The following FAM234A variants were observed in gnomAD, a reference collection of about 807,000 sequenced individuals.
FAM234A encodes protein FAM234A.
In FAM234A, 42 loss-of-function variants were observed where a neutral mutation model predicts 49.1. That is an observed-to-expected ratio of 0.86 (90% confidence interval 0.67 to 1.11). FAM234A has a LOEUF of 1.11. FAM234A is among the 50% of genes least tolerant of loss of function. The pLI is 0.00. For synonymous variants in FAM234A, 369 were observed against 316.2 expected (o/e 1.17, Z -1.77); for missense variants, 815 against 745.2 (o/e 1.09, Z -1.09).
At chr16:254,253 C>G (rs2051136794) in intron 2 of FAM234A, 128 bp from the exon 3 acceptor site, 1 of 716,856 alleles carries the variant, frequency 1.4e-6, no homozygotes, top group African/African-American at 1.8e-5. Flanking sequence ...CTTTTATTTC[C>G]TGGGCTGGTG....
At position 263,714 on chromosome 16, in the gene FAM234A, G is replaced by A. The variant is rs2051576805; in HGVS notation, c.1127G>A (p.Gly376Asp). 1 of 1,613,910 alleles carries A rather than the reference G, an allele frequency of 6.2e-7. No homozygotes were observed. The highest frequency in any genetic ancestry group is 8.5e-7 in the Non-Finnish European group (1 of 1,179,854). Residue 376 changes from glycine to aspartate, a missense_variant, in exon 10 of 13, where the codon GGC becomes GAC. By Grantham distance (94) the Gly-to-Asp change is moderately conservative. Coordinates refer to ENST00000399932, the MANE Select transcript of FAM234A (RefSeq NM_032039.4). ...AAHVLRKPIF[G>D]RYKPDTLAVA... is the part of the protein sequence containing the mutation. ...TATTGTTCCAGAAAACCCATCTTCG[G>A]CCGCTACAAACCAGACACCTTGGCT...
intron 3 of FAM234A, among the ~76,000 whole-genome samples, chr16:255,541 T>A (rs529321872): frequency 6.0e-4 from 91 of 152,224 alleles, no homozygotes; most frequent in African/African-American, 2.2e-3. Context: ...GCCACTGCAC[T>A]CCAGCCTGGG....
At chr16:250,682 C>T (rs573614598) in intron 2 of FAM234A, among the ~76,000 whole-genome samples, 198 of 152,190 alleles carry the variant, frequency 1.3e-3, no homozygotes, top group African/African-American at 4.6e-3. Context: ...TTTTCATCAT[C>T]CCACAAAGAA....
chr16:244,854 A>ATTTTTTTTT (rs1203898846), intron 1 of FAM234A, among the ~76,000 whole-genome samples: 2 of 147,384 alleles, frequency 1.4e-5, no homozygotes, highest in Non-Finnish European at 3.0e-5. Context: ...CGCCCGGCTA[A>ATTTTTTTTT]TTTTTTTTTG....
intron 1 of FAM234A, among the ~76,000 whole-genome samples, chr16:241,339 C>T (rs544222370): frequency 3.5e-4 from 53 of 151,516 alleles, no homozygotes; most frequent in Non-Finnish European, 6.8e-4. Context: ...TCTAGCACTT[C>T]GGGAGGCAGA....
chr16:237,372 C>T (rs1164123878), intron 1 of FAM234A, among the ~76,000 whole-genome samples: 1 of 152,020 alleles, frequency 6.6e-6, no homozygotes, highest in South Asian at 2.1e-4. Context: ...ATTATGACTT[C>T]GGGTCTCATG....
At chr16:259,140 T>C (rs2141324389) in intron 3 of FAM234A, among the ~76,000 whole-genome samples, 1 of 152,272 alleles carries the variant, frequency 6.6e-6, no homozygotes, top group South Asian at 2.1e-4. Context: ...AGTCCTTGAA[T>C]GAAAGGAAGT....
intron 2 of FAM234A, among the ~76,000 whole-genome samples, chr16:251,419 G>GA (rs1434340152): frequency 9.2e-5 from 14 of 152,048 alleles, no homozygotes; most frequent in Middle Eastern, 6.8e-3. Context: ...CTGTCACCCA[G>GA]GTGGCAGTGC....
intron 1 of FAM234A, chr16:248,208 A>C (rs902844070): frequency 4.6e-5 from 7 of 151,978 alleles, no homozygotes; most frequent in Non-Finnish European, 7.4e-5. Context: ...GCATTTAGAG[A>C]GTTTTTTCCC....
chr16:262,858 C>T (rs1406395941), intron 8 of FAM234A, among the ~76,000 whole-genome samples: 1 of 142,366 alleles, frequency 7.0e-6, no homozygotes, highest in Non-Finnish European at 1.5e-5. Context: ...CTTGCCCTGT[C>T]CCCCAGGCTG....
intron 1 of FAM234A, among the ~76,000 whole-genome samples, chr16:249,276 G>C (rs553418964): frequency 6.6e-6 from 1 of 151,898 alleles, no homozygotes; most frequent in Non-Finnish European, 1.5e-5. Context: ...GGGATGAACC[G>C]AACAAGGGCA....
intron 1 of FAM234A, among the ~76,000 whole-genome samples, chr16:244,822 G>T (rs1228278023): frequency 2.0e-5 from 3 of 151,074 alleles, no homozygotes; most frequent in Admixed American, 2.0e-4. Context: ...CGAGTAGCTG[G>T]GATTACAGGC....
intron 2 of FAM234A, among the ~76,000 whole-genome samples, chr16:251,679 GTTTTTTTTTTTT>G (rs1172222528): frequency 0.012 from 1,100 of 91,158 alleles, 34 homozygotes; most frequent in African/African-American, 0.055. Context: ...GCCTAGCCAG[GTTTTTTTTTTTT>G]TTTTTTTTTT....
Position 262,626 on chromosome 16 carries a change from G to A in FAM234A, c.971+73G>A, listed in dbSNP as rs957165250. The A allele has an allele frequency of 5.0e-5, 73 of 1,460,308 alleles. 1 individual carries two copies. In the South Asian group the frequency reaches 8.0e-4, roughly 16 times the overall value. The allele number at this position is 1,460,308 out of a possible 1,614,324, so 90.5% of individuals were successfully genotyped here. A position where few individuals can be genotyped will look rare whatever the true frequency, so the allele number is the denominator to read the frequency against. ...GCTCTGCTCGCCTGCCTCAGCGTTC[G>A]GACAATCTGTGTGGAGCCCAGAGCA... On this transcript the variant is annotated intron_variant, in intron 8 of 12. Transcript: ENST00000399932.
downstream of FAM234A, chr16:268,772 C>T: frequency 1.9e-6 from 3 of 1,549,698 alleles, no homozygotes; most frequent in Non-Finnish European, 2.6e-6. Flanking sequence ...GGGTCCTCTT[C>T]CAGGCTCACA....
intron 4 of FAM234A, 125 bp downstream of exon 4, chr16:259,724 C>T (rs961989115): frequency 2.6e-5 from 20 of 756,368 alleles, no homozygotes; most frequent in Non-Finnish European, 4.1e-5. Flanking sequence ...CCCATCTCGT[C>T]ATCCTTCCTG....
intron 1 of FAM234A, among the ~76,000 whole-genome samples, chr16:236,105 A>G (rs1207187591): frequency 2.6e-5 from 4 of 151,862 alleles, no homozygotes; most frequent in Admixed American, 1.3e-4. Flanking sequence ...GGTGCCCGCC[A>G]CCACACCCAG....
At chr16:244,232 T>G (rs927842058) in intron 1 of FAM234A, among the ~76,000 whole-genome samples, 8 of 152,172 alleles carry the variant, frequency 5.3e-5, no homozygotes, top group East Asian at 1.9e-4. Context: ...CCTCCCAAAG[T>G]GCTGGGATTA....
downstream of FAM234A, chr16:269,031 C>A (rs1013797592): frequency 5.2e-5 from 66 of 1,272,036 alleles, no homozygotes; most frequent in Non-Finnish European, 7.3e-5. Context: ...CTGACCCAAG[C>A]TGAGCCAATG....
Sources: allele counts gnomAD v4.1 joint callset (sites outside exome capture counted in the v4.1 genomes callset), GRCh38; gene constraint gnomAD v4.1.1; transcripts MANE v1.5; gene names NCBI Gene and HGNC (gene_info 2026-07-23, HGNC 2026-07-21).